The following COMMD1 variants were observed in gnomAD, a reference collection of about 807,000 sequenced individuals.
The protein encoded by COMMD1 is copper metabolism domain containing 1, also known as COMM domain-containing protein 1.
A neutral mutation model predicts 17.2 loss-of-function variants in COMMD1; 10 were observed. That is an observed-to-expected ratio of 0.58 (90% CI 0.36 to 0.99). The LOEUF (loss-of-function observed/expected upper bound fraction) is 0.99. Ranked by LOEUF, COMMD1 falls within the 50% of genes least tolerant of loss-of-function variation. COMMD1 has a pLI of 0.01. For synonymous variants in COMMD1, 97 were observed against 91.6 expected (o/e 1.06, Z -0.34); for missense variants, 270 against 231.8 (o/e 1.17, Z -1.07).
At chr2:62,093,072 A>G (rs1442906681) in intron 2 of COMMD1, among the ~76,000 whole-genome samples, 1 of 152,220 alleles carries the variant, frequency 6.6e-6, no homozygotes, top group Admixed American at 6.5e-5. Flanking sequence ...GTCACTGTGC[A>G]TTTCAGAAGG....
chr2:61,896,979 G>A (rs74485200), intron 1 of COMMD1, among the ~76,000 whole-genome samples: 3 of 151,798 alleles, frequency 2.0e-5, no homozygotes, highest in Non-Finnish European at 4.4e-5. Flanking sequence ...ACAGGTGCCC[G>A]CCACCACATC....
upstream of COMMD1, among the ~76,000 whole-genome samples, chr2:61,901,944 C>T (rs934830575): frequency 1.3e-5 from 2 of 152,008 alleles, no homozygotes; most frequent in Non-Finnish European, 2.9e-5. Context: ...AGCGATTCTC[C>T]TGCCTCAGCC....
chr2:61,938,764 G>C (rs931796699), intron 1 of COMMD1, among the ~76,000 whole-genome samples: 1 of 152,192 alleles, frequency 6.6e-6, no homozygotes, highest in African/African-American at 2.4e-5. Context: ...CCAAATGAGA[G>C]AGGTTGGCAT....
chr2:61,959,942 T>TA (rs1396866481), intron 1 of COMMD1, among the ~76,000 whole-genome samples: 1 of 152,230 alleles, frequency 6.6e-6, no homozygotes, highest in African/African-American at 2.4e-5. Context: ...GATTGGCTGT[T>TA]AGTTTAAAAC....
In COMMD1 at chr2:61,955,689, T is replaced by C. The variant is rs142941489; in HGVS notation, c.181-45012T>C. Among the ~76,000 whole-genome samples the C allele has an allele frequency of 3.7e-3, 568 of 152,224 alleles. 7 individuals are homozygous for C. The highest frequency in any genetic ancestry group is 5.9e-3 in the Admixed American group (90 of 15,282). ...AATGCATTCTCAATAGGGACAAGAA[T>C]TGATATTTTTTTTGAGATGGAGTTT... On this transcript the variant is annotated intron_variant, in intron 1 of 2. Coordinates refer to ENST00000311832, the MANE Select transcript of COMMD1 (RefSeq NM_152516.4).
chr2:62,081,702 C>A (rs188365282), intron 2 of COMMD1, among the ~76,000 whole-genome samples: 1 of 152,018 alleles, frequency 6.6e-6, no homozygotes, highest in Non-Finnish European at 1.5e-5. Context: ...CTTTTTCTCT[C>A]GGATGATTTA....
At chr2:61,930,614 G>GT (rs925369969) in intron 1 of COMMD1, among the ~76,000 whole-genome samples, 1 of 109,464 alleles carries the variant, frequency 9.1e-6, no homozygotes, top group Admixed American at 1.0e-4. Flanking sequence ...AAACCACAGG[G>GT]TTTTGTGTGT....
intron 1 of COMMD1, among the ~76,000 whole-genome samples, chr2:61,974,171 G>A (rs957437732): frequency 1.3e-5 from 2 of 152,154 alleles, no homozygotes; most frequent in African/African-American, 4.8e-5. Flanking sequence ...GCATGCCTTT[G>A]TAATCCCAGC....
At chr2:62,034,817 A>G (rs920981303) in intron 2 of COMMD1, among the ~76,000 whole-genome samples, 2 of 152,244 alleles carry the variant, frequency 1.3e-5, no homozygotes, top group Non-Finnish European at 2.9e-5. Context: ...GTCTCATCCT[A>G]TGTTTCTGAA....
chr2:62,021,166 T>A (rs1235844772), intron 2 of COMMD1, among the ~76,000 whole-genome samples: 1 of 152,248 alleles, frequency 6.6e-6, no homozygotes. Context: ...ATCTTTTAGA[T>A]CGTTTTCTTG....
At chr2:62,102,517 T>C (rs1012457698) in intron 2 of COMMD1, among the ~76,000 whole-genome samples, 7 of 152,220 alleles carry the variant, frequency 4.6e-5, no homozygotes, top group African/African-American at 1.7e-4. Flanking sequence ...TAGTTCATTG[T>C]GTATTGCTGG....
At chr2:62,121,371 CAAAA>C (rs55789110) in intron 2 of COMMD1, among the ~76,000 whole-genome samples, 5 of 47,202 alleles carry the variant, frequency 1.1e-4, no homozygotes, top group South Asian at 2.0e-3. Context: ...GACTCTTTCT[CAAAA>C]AAAAAAAAAA....
At chr2:62,021,054 C>T (rs1282014251) in intron 2 of COMMD1, among the ~76,000 whole-genome samples, 1 of 151,808 alleles carries the variant, frequency 6.6e-6, no homozygotes, top group Non-Finnish European at 1.5e-5. Flanking sequence ...GTAAGTCACA[C>T]CTTTAAAATC....
chr2:61,987,181 C>A (rs1672127378), intron 1 of COMMD1, among the ~76,000 whole-genome samples: 1 of 152,138 alleles, frequency 6.6e-6, no homozygotes, highest in East Asian at 1.9e-4. Context: ...TTTGATTGTT[C>A]CCCGGAGCTT....
At chr2:62,044,344 G>A (rs891702506) in intron 2 of COMMD1, among the ~76,000 whole-genome samples, 20 of 152,140 alleles carry the variant, frequency 1.3e-4, no homozygotes, top group African/African-American at 3.9e-4. Context: ...TCATTTTCAA[G>A]GAGAGATCTT....
At chr2:61,909,922 C>G (rs1481078795) in intron 1 of COMMD1, among the ~76,000 whole-genome samples, 1 of 152,162 alleles carries the variant, frequency 6.6e-6, no homozygotes, top group Admixed American at 6.5e-5. Context: ...CTCTGACTTT[C>G]ATGTTGTGTG....
chr2:62,012,465 T>C (rs922744178), intron 2 of COMMD1, among the ~76,000 whole-genome samples: 11 of 151,772 alleles, frequency 7.2e-5, no homozygotes, highest in African/African-American at 2.4e-4. Flanking sequence ...ATTACAGGCA[T>C]GCACCACCAC....
intron 1 of COMMD1, among the ~76,000 whole-genome samples, chr2:61,897,666 G>A (rs1482393081): frequency 2.0e-5 from 3 of 152,024 alleles, no homozygotes; most frequent in East Asian, 1.9e-4. Context: ...GGAGAATCGC[G>A]TGAACCCAGG....
chr2:62,111,103 T>C (rs1444675242), intron 2 of COMMD1, among the ~76,000 whole-genome samples: 1 of 152,190 alleles, frequency 6.6e-6, no homozygotes, highest in African/African-American at 2.4e-5. Context: ...GGGAGATATC[T>C]TTACGAATGG....
Sources: gnomAD v4.1 joint callset for allele counts (sites outside exome capture counted in the v4.1 genomes callset) on GRCh38, gnomAD v4.1.1 for gene constraint, MANE v1.5 for transcripts, NCBI Gene and HGNC (gene_info 2026-07-23, HGNC 2026-07-21) for gene names.